Variants in ADGRL2 observed in about 807,000 individuals in gnomAD.
ADGRL2 encodes the protein adhesion G protein-coupled receptor L2, also known as calcium-independent alpha-latrotoxin receptor 2.
A neutral mutation model predicts 157.4 loss-of-function variants in ADGRL2; 44 were observed. The observed-to-expected ratio is 0.28, with a 90% CI of 0.22 to 0.36. The LOEUF (loss-of-function observed/expected upper bound fraction) is 0.36, where lower values mean the gene tolerates loss of function less well. Among genes scored for constraint, ADGRL2 ranks in the 10% least tolerant of loss-of-function variants. ADGRL2 has a pLI of 1.00. For synonymous variants in ADGRL2, 585 were observed against 624.7 expected (o/e 0.94, Z 0.95); for missense variants, 1,510 against 1,768.9 (o/e 0.85, Z 2.63).
chr1:81,605,235 C>A (rs1044685673), intron 3 of ADGRL2, among the ~76,000 whole-genome samples: 2 of 152,132 alleles, frequency 1.3e-5, no homozygotes, highest in African/African-American at 4.8e-5. Flanking sequence ...AGATTCAGCC[C>A]TGCTTAATTA....
chr1:81,707,924 G>A (rs1296491832), intron 1 of ADGRL2, among the ~76,000 whole-genome samples: 1 of 152,088 alleles, frequency 6.6e-6, no homozygotes, highest in Non-Finnish European at 1.5e-5. Context: ...CAAGAGTTCT[G>A]TATGGGGAAT....
chr1:81,705,897 C>T (rs372757006), intron 1 of ADGRL2, among the ~76,000 whole-genome samples: 58 of 151,664 alleles, frequency 3.8e-4, no homozygotes, highest in African/African-American at 1.4e-3. Context: ...AGAGACAGAG[C>T]AAGACCTTAT....
chr1:81,571,193 C>T (rs1157764525), intron 2 of ADGRL2, among the ~76,000 whole-genome samples: 1 of 151,638 alleles, frequency 6.6e-6, no homozygotes, highest in African/African-American at 2.4e-5. Flanking sequence ...GGCATGATGG[C>T]AGGCACCTAT....
At chr1:81,348,763 C>T (rs1662663524) in intron 1 of ADGRL2, among the ~76,000 whole-genome samples, 1 of 152,120 alleles carries the variant, frequency 6.6e-6, no homozygotes, top group African/African-American at 2.4e-5. Flanking sequence ...TATGAGATGG[C>T]TGACCAAGCC....
intron 3 of ADGRL2, among the ~76,000 whole-genome samples, chr1:81,930,250 A>G (rs1205894079): frequency 1.3e-5 from 2 of 152,214 alleles, no homozygotes; most frequent in African/African-American, 2.4e-5. Context: ...ATATTTCATT[A>G]GTAATGAGGC....
At chr1:81,741,551 T>C (rs1432833337) in intron 1 of ADGRL2, among the ~76,000 whole-genome samples, 1 of 152,080 alleles carries the variant, frequency 6.6e-6, no homozygotes, top group African/African-American at 2.4e-5. Flanking sequence ...TAAAGGTACA[T>C]GTGAATTTTA....
At chr1:81,989,079 T>G (rs972713263) in intron 23 of ADGRL2, among the ~76,000 whole-genome samples, 5 of 152,056 alleles carry the variant, frequency 3.3e-5, no homozygotes, top group Non-Finnish European at 4.4e-5. Context: ...TTCATTTGCT[T>G]GAGAAGCACT....
intron 10 of ADGRL2, 26 bp downstream of exon 10, chr1:81,953,051 C>A: frequency 6.2e-7 from 1 of 1,601,618 alleles, no homozygotes; most frequent in Non-Finnish European, 8.5e-7. Flanking sequence ...TGTCACCCTG[C>A]TTTCTCCCTT....
chr1:81,837,010 G>A lies in ADGRL2; in HGVS notation c.26G>A (p.Arg9Gln), dbSNP rs138982442. Residue 9 changes from arginine (R) to glutamine (Q), a missense_variant, in exon 2 of 24, where the codon CGA becomes CAA. Arg to Gln is a conservative substitution (Grantham distance 43). This residue lies in a region of ADGRL2 where 361 missense variants were observed against 498.4 expected (regional missense o/e 0.72). Coordinates refer to ENST00000686636, the MANE Select transcript of ADGRL2 (RefSeq NM_001366006.2). ...ATGGTGTCTTCTGGTTGCAGAATGC[G>A]AAGTCTGTGGTTTATCATTGTAATC... is the stretch of plus-strand genomic sequence containing the variant. Reference protein sequence around the residue: MVSSGCRMRSLWFIIVISF... With the variant: MVSSGCRMQSLWFIIVISF... 3,188 of 1,593,248 alleles carry A rather than the reference G, an allele frequency of 2.0e-3. 5 individuals are homozygous for A. Among genetic ancestry groups the A allele is most frequent in the Non-Finnish European group, 2.4e-3 (2,855 of 1,171,044 alleles).
At chr1:81,402,438 G>A (rs2076773643) in intron 1 of ADGRL2, among the ~76,000 whole-genome samples, 1 of 152,076 alleles carries the variant, frequency 6.6e-6, no homozygotes, top group Non-Finnish European at 1.5e-5. Flanking sequence ...TGCACACCAA[G>A]AGAATCCACC....
intron 17 of ADGRL2, 96 bp from the exon 18 acceptor site, chr1:81,979,773 T>C: frequency 2.9e-6 from 2 of 697,848 alleles, no homozygotes; most frequent in Non-Finnish European, 2.5e-6. Flanking sequence ...ATTATATCAG[T>C]ATCTTCCATA....
intron 3 of ADGRL2, among the ~76,000 whole-genome samples, chr1:81,597,147 A>G (rs1165128575): frequency 1.3e-5 from 2 of 152,176 alleles, no homozygotes; most frequent in African/African-American, 4.8e-5. Context: ...TCTCTTCTCT[A>G]ATCCTTTGCC....
At chr1:81,637,576 T>C (rs1489691163) in intron 3 of ADGRL2, among the ~76,000 whole-genome samples, 1 of 152,196 alleles carries the variant, frequency 6.6e-6, no homozygotes, top group Admixed American at 6.5e-5. Context: ...GGGTGGGGAA[T>C]AAATATTTAA....
At chr1:81,863,515 C>T (rs936477999) in intron 2 of ADGRL2, among the ~76,000 whole-genome samples, 8 of 152,248 alleles carry the variant, frequency 5.3e-5, no homozygotes, top group African/African-American at 1.9e-4. Context: ...GGACTCTTTG[C>T]CCTAAATAGC....
intron 2 of ADGRL2, among the ~76,000 whole-genome samples, chr1:81,561,675 G>A (rs1000489475): frequency 6.6e-6 from 1 of 151,920 alleles, no homozygotes; most frequent in African/African-American, 2.4e-5. Context: ...GGCCAGGCTG[G>A]TCTTGAACTC....
chr1:81,507,676 G>T (rs183308702), intron 2 of ADGRL2, among the ~76,000 whole-genome samples: 1 of 152,256 alleles, frequency 6.6e-6, no homozygotes, highest in African/African-American at 2.4e-5. Context: ...ACGATGATAG[G>T]GACTGGCATG....
At chr1:81,762,246 G>A (rs1421493410) in intron 2 of ADGRL2, among the ~76,000 whole-genome samples, 2 of 152,110 alleles carry the variant, frequency 1.3e-5, no homozygotes, top group African/African-American at 4.8e-5. Flanking sequence ...GAGTCCTTTG[G>A]AATTGTTACT....
At chr1:81,865,214 T>A (rs2093505365) in intron 2 of ADGRL2, among the ~76,000 whole-genome samples, 1 of 152,188 alleles carries the variant, frequency 6.6e-6, no homozygotes, top group African/African-American at 2.4e-5. Context: ...TTTTCTAAAA[T>A]TTAATGTAGT....
At chr1:81,617,608 A>T (rs1244728944) in intron 3 of ADGRL2, among the ~76,000 whole-genome samples, 1 of 152,150 alleles carries the variant, frequency 6.6e-6, no homozygotes, top group African/African-American at 2.4e-5. Flanking sequence ...ACAGCCATGG[A>T]TTTACAATTA....
Sources: allele counts gnomAD v4.1 joint callset (sites outside exome capture counted in the v4.1 genomes callset), GRCh38; gene constraint gnomAD v4.1.1; regional missense constraint gnomAD v4.1.1; transcripts MANE v1.5; gene names NCBI Gene and HGNC (gene_info 2026-07-23, HGNC 2026-07-21).